The following SUN1 variants were observed in gnomAD, a reference collection of about 807,000 sequenced individuals.
The protein encoded by SUN1 is SUN domain-containing protein 1.
In SUN1, 61 loss-of-function variants were observed where a neutral mutation model predicts 103.2. The observed-to-expected ratio is 0.59, with a 90% confidence interval of 0.48 to 0.73. The LOEUF (loss-of-function observed/expected upper bound fraction) is 0.73, where lower values mean the gene tolerates loss of function less well. Ranked by LOEUF, SUN1 falls within the 30% of genes least tolerant of loss-of-function variation. The pLI is 0.00. For synonymous variants in SUN1, 490 were observed against 425.7 expected, an observed-to-expected ratio of 1.15 and a Z score of -1.86; for missense variants, 1,052 against 1,034.6, an observed-to-expected ratio of 1.02 and a Z score of -0.23.
intron 1 of SUN1, among the ~76,000 whole-genome samples, chr7:823,387 TGAG>T (rs926759798): frequency 2.0e-5 from 3 of 151,890 alleles, no homozygotes; most frequent in Admixed American, 2.0e-4. Flanking sequence ...ACATTAAGTG[TGAG>T]GAGAAGTTAG....
At chr7:853,684 C>G (rs1397726036) in intron 10 of SUN1, 66 bp downstream of exon 10, 4 of 1,540,778 alleles carry the variant, frequency 2.6e-6, no homozygotes, top group Non-Finnish European at 8.8e-7. Context: ...CATGTTCTCT[C>G]CTTTTGGGAG....
chr7:874,326 C>G lies in SUN1; in HGVS notation c.*995C>G, dbSNP rs1843287778. ...CAGCTGTCACCATTCTCACGTGATT[C>G]TTGTGAGACTCTTTTTGGTTATAAT... On this transcript the variant is annotated 3_prime_UTR_variant, in exon 19 of 19. Coordinates refer to ENST00000401592, the MANE Select transcript of SUN1 (RefSeq NM_001130965.3). 3 of 152,696 alleles carry G rather than the reference C, an allele frequency of 2.0e-5. No homozygotes were observed. The South Asian group carries it at 6.2e-4, about 32-fold the overall frequency. The allele number at this position is 152,696 out of a possible 1,614,324, so 9.5% of individuals were successfully genotyped here.
intron 1 of SUN1, among the ~76,000 whole-genome samples, chr7:835,494 A>AT (rs1462857270): frequency 3.9e-5 from 6 of 151,968 alleles, no homozygotes; most frequent in East Asian, 1.9e-4. Context: ...TTCACAATTA[A>AT]TTTTTTTTTA....
intron 5 of SUN1, 167 bp downstream of exon 5, chr7:843,687 A>G: frequency 6.9e-7 from 1 of 1,458,390 alleles, no homozygotes; most frequent in Non-Finnish European, 9.0e-7. Context: ...GTCCTCTTCT[A>G]GTTTACATTT....
At position 853,335 on chromosome 7, in the gene SUN1, T is replaced by C. The variant is rs1054361756; in HGVS notation, c.1054-74T>C. 42 of 1,547,864 alleles carry C rather than the reference T, an allele frequency of 2.7e-5. No individual in the cohort carries two copies. In the South Asian group the frequency reaches 4.5e-4, roughly 17 times the overall value. ...GAGCTGGCGTCTTGCTGTAGGACAC[T>C]GTTTGGAGGTTTAACTGACTCTGTG... On this transcript the variant is annotated intron_variant, in intron 9 of 18. Coordinates refer to ENST00000401592, the MANE Select transcript of SUN1 (RefSeq NM_001130965.3).
At chr7:843,157 G>T in intron 3 of SUN1, 49 bp from the exon 4 acceptor site, 1 of 1,596,164 alleles carries the variant, frequency 6.3e-7, no homozygotes. Context: ...TATTTGATAA[G>T]CTGAGCTCAA....
chr7:851,793 G>C, intron 6 of SUN1, 157 bp from the exon 7 acceptor site: 1 of 697,124 alleles, frequency 1.4e-6, no homozygotes, highest in South Asian at 1.8e-5. Context: ...ATACGTTACT[G>C]CCTTGCTTCC....
chr7:835,521 ATCCTCATG>A (rs1442856430), intron 1 of SUN1, among the ~76,000 whole-genome samples: 1 of 152,162 alleles, frequency 6.6e-6, no homozygotes, highest in African/African-American at 2.4e-5. Flanking sequence ...CCTAAACAGG[ATCCTCATG>A]TTACATTGGG....
At chr7:837,483 T>C (rs927711187) in intron 1 of SUN1, among the ~76,000 whole-genome samples, 3 of 152,152 alleles carry the variant, frequency 2.0e-5, no homozygotes, top group African/African-American at 7.2e-5. Flanking sequence ...AAATAACACA[T>C]TTTTAAAAGA....
intron 1 of SUN1, among the ~76,000 whole-genome samples, chr7:836,490 C>G (rs1258373781): frequency 2.6e-5 from 4 of 152,186 alleles, no homozygotes; most frequent in Non-Finnish European, 4.4e-5. Context: ...TCCAGAGGCC[C>G]AAGACCCAGG....
At position 827,466 on chromosome 7, in the gene SUN1, G is replaced by GTT. The variant is rs35772182; in HGVS notation, c.-74+10813_-74+10814dup. ...AGAGTAGGACTAAAATCTAAAGTCCGTTTTTTTTTTTTTTTTTTTTTGAGA... is the reference window on the plus strand; with the variant it reads ...AGAGTAGGACTAAAATCTAAAGTCCGTTTTTTTTTTTTTTTTTTTTTTTGAGA... On this transcript the variant is annotated intron_variant, in intron 1 of 17. Transcript: ENST00000389574. 2.0e-3 allele frequency among the ~76,000 whole-genome samples: 270 copies of GTT among 133,178 alleles called. 5 individuals carry two copies. Among genetic ancestry groups the GTT allele is most frequent in the Middle Eastern group, 8.5e-3 (2 of 236 alleles). 87.4% of individuals were successfully genotyped at this position (133,178 alleles called of 152,430 possible).
At chr7:841,809 C>G (rs1810258926) in intron 2 of SUN1, 137 bp from the exon 3 acceptor site, 16 of 849,960 alleles carry the variant, frequency 1.9e-5, no homozygotes, top group Non-Finnish European at 2.7e-5. Flanking sequence ...TGATTCATTA[C>G]AGCAGAAAAG....
intron 10 of SUN1, 109 bp downstream of exon 10, chr7:853,727 AG>A: frequency 3.2e-6 from 4 of 1,254,298 alleles, no homozygotes; most frequent in Non-Finnish European, 4.4e-6. Context: ...CGTTGTGAAA[AG>A]GGGTTGCCCT....
intron 1 of SUN1, chr7:817,174 G>A: frequency 1.9e-6 from 1 of 526,128 alleles, no homozygotes; most frequent in Non-Finnish European, 3.4e-6. Context: ...TTCCCAGGCT[G>A]GTCTCGACCT....
At chr7:871,609 C>A (rs1347399336) in intron 17 of SUN1, among the ~76,000 whole-genome samples, 1 of 152,188 alleles carries the variant, frequency 6.6e-6, no homozygotes, top group Non-Finnish European at 1.5e-5. Flanking sequence ...AGGATGGTCT[C>A]AATCTCCTGA....
rs59436529 is a variant in SUN1, at chr7:873,083, T to A, written c.2242-132T>A. The A allele has an allele frequency of 0.13, 113,498 of 845,282 alleles. 8,746 individuals are homozygous for A. Among genetic ancestry groups the A allele is most frequent in the South Asian group, 0.23 (15,128 of 65,326 alleles). 52.4% of individuals were successfully genotyped at this position (845,282 alleles called of 1,614,324 possible). A position where few individuals can be genotyped will look rare whatever the true frequency, so the allele number is the denominator to read the frequency against. ...GCCTGGGTGACAGGGCAAGACTCTG[T>A]CTCAACAACAACAACAAAAGGTTAA... On this transcript the variant is annotated intron_variant, in intron 18 of 18. Coordinates refer to ENST00000401592, the MANE Select transcript of SUN1 (RefSeq NM_001130965.3).
At chr7:861,518 G>A in intron 15 of SUN1, 54 bp downstream of exon 15, 1 of 1,590,858 alleles carries the variant, frequency 6.3e-7, no homozygotes, top group Non-Finnish European at 8.6e-7. Context: ...GTTAGCAGGG[G>A]TGTGCACTTG....
rs377094306 is a variant in SUN1 at position 851,458 on chromosome 7, C to G, written c.733C>G (p.Leu245Val). The G allele has an allele frequency of 1.5e-4, 242 of 1,608,554 alleles. No individual in the cohort carries two copies. Among genetic ancestry groups the G allele is most frequent in the Middle Eastern group, 9.9e-4 (6 of 6,072 alleles). ...QAVSRTAWSA[L>V]WLAVVAPGKA... is the part of the protein sequence containing the mutation. The stretch of plus-strand genomic sequence containing the variant: ...TGTGTCCAGGACGGCGTGGTCGGCC[C>G]TTTGGCTGGCCGTGGTTGCTCCAGG... The change falls in exon 6 of 19, where the codon CTT becomes GTT. Residue 245 changes from leucine to valine, a missense_variant. By Grantham distance (32) the Leu-to-Val change is conservative. This residue lies in a region of SUN1 where 846 missense variants were observed against 774.5 expected (regional missense o/e 1.09). Coordinates refer to ENST00000401592, the MANE Select transcript of SUN1 (RefSeq NM_001130965.3).
At chr7:849,875 G>T in intron 5 of SUN1, 1 of 1,557,502 alleles carries the variant, frequency 6.4e-7, no homozygotes, top group South Asian at 1.1e-5. Context: ...GATGGACAGA[G>T]TTTGCTTGTG....
Sources: allele counts gnomAD v4.1 joint callset (sites outside exome capture counted in the v4.1 genomes callset), GRCh38; gene constraint gnomAD v4.1.1; regional missense constraint gnomAD v4.1.1; transcripts MANE v1.5; gene names NCBI Gene and HGNC (gene_info 2026-07-23, HGNC 2026-07-21).